TRMT44: variants seen among roughly 807,000 people sequenced by gnomAD.
The protein encoded by TRMT44 is probable tRNA (uracil-O(2)-)-methyltransferase.
In TRMT44, 78 loss-of-function variants were observed where a neutral mutation model predicts 77.3. The ratio of observed to expected loss-of-function variants is 1.01; its 90% CI spans 0.84 to 1.22. TRMT44 has a LOEUF of 1.22. Among genes scored for constraint, TRMT44 ranks in the 50% most tolerant of loss-of-function variants. The pLI is 0.00. For missense variants in TRMT44, 1,090 were observed against 964.4 expected, an observed-to-expected ratio of 1.13 and a Z score of -1.73; for synonymous variants, 391 against 383.3, an observed-to-expected ratio of 1.02 and a Z score of -0.23.
chr4:8,464,826 A>G (rs1392663527), intron 7 of TRMT44, among the ~76,000 whole-genome samples: 1 of 152,234 alleles, frequency 6.6e-6, no homozygotes, highest in Non-Finnish European at 1.5e-5. Flanking sequence ...ATTTCTAGAA[A>G]TTAACTTGGG....
At chr4:8,463,664 G>A (rs544085979) in intron 6 of TRMT44, among the ~76,000 whole-genome samples, 3 of 152,198 alleles carry the variant, frequency 2.0e-5, no homozygotes, top group African/African-American at 7.2e-5. Flanking sequence ...AAACCGTTCC[G>A]TGGCCGTCTC....
chr4:8,485,286 G>A (rs1727769343), intron 2 of TRMT44, among the ~76,000 whole-genome samples: 1 of 152,218 alleles, frequency 6.6e-6, no homozygotes, highest in Admixed American at 6.5e-5. Context: ...ATAGTGAGTT[G>A]TGGAGGGAGG....
the TRMT44 span, among the ~76,000 whole-genome samples, chr4:8,499,699 G>A: frequency 2.0e-5 from 3 of 152,140 alleles, no homozygotes; most frequent in Non-Finnish European, 2.9e-5. Context: ...CTATAAGTGG[G>A]AACTAAATAA....
At chr4:8,479,499 CTG>C (rs1351224621), downstream of TRMT44, 2 of 152,160 alleles carry the variant, frequency 1.3e-5, no homozygotes, top group East Asian at 1.9e-4. Context: ...AGCACATTAA[CTG>C]TGCTGAATGC....
At chr4:8,503,756 C>T in the TRMT44 span, among the ~76,000 whole-genome samples, 4 of 152,350 alleles carry the variant, frequency 2.6e-5, no homozygotes, top group African/African-American at 7.2e-5. Flanking sequence ...TGGGCCCTGG[C>T]TCCCAGTTCT....
intron 2 of TRMT44, among the ~76,000 whole-genome samples, chr4:8,489,230 A>C (rs1238499106): frequency 6.6e-6 from 1 of 152,220 alleles, no homozygotes; most frequent in African/African-American, 2.4e-5. Flanking sequence ...ATAGCCTGCA[A>C]CATGGCCACC....
intron 6 of TRMT44, among the ~76,000 whole-genome samples, chr4:8,458,598 G>A (rs1436342961): frequency 6.6e-6 from 1 of 151,396 alleles, no homozygotes; most frequent in East Asian, 2.0e-4. Flanking sequence ...GGGATTACAG[G>A]TGCCCACCAT....
the TRMT44 span, among the ~76,000 whole-genome samples, chr4:8,514,673 CAG>C: frequency 6.6e-6 from 1 of 152,138 alleles, no homozygotes. Flanking sequence ...CAGGGGACCT[CAG>C]AGTGAGGTCA....
chr4:8,467,669 C>T (rs1238433772), intron 8 of TRMT44, among the ~76,000 whole-genome samples: 7 of 152,194 alleles, frequency 4.6e-5, no homozygotes, highest in African/African-American at 1.2e-4. Flanking sequence ...GTAGTAGAGA[C>T]GGGATTTTGC....
chr4:8,490,194 A>C (rs1388505565), intron 2 of TRMT44, among the ~76,000 whole-genome samples: 1 of 152,042 alleles, frequency 6.6e-6, no homozygotes, highest in Non-Finnish European at 1.5e-5. Flanking sequence ...ACTGCCTTTG[A>C]AAAACCCCTA....
intron 3 of TRMT44, among the ~76,000 whole-genome samples, chr4:8,450,300 AG>A (rs2109100467): frequency 6.6e-6 from 1 of 152,276 alleles, no homozygotes; most frequent in East Asian, 1.9e-4. Context: ...TTCCTGTTGC[AG>A]GCTGTACTTT....
chr4:8,505,931 C>T, the TRMT44 span, among the ~76,000 whole-genome samples: 1 of 152,208 alleles, frequency 6.6e-6, no homozygotes, highest in South Asian at 2.1e-4. Context: ...CTTCCCCTTC[C>T]ACCATGATTG....
At chr4:8,488,537 C>G (rs929013067) in intron 2 of TRMT44, among the ~76,000 whole-genome samples, 13 of 152,198 alleles carry the variant, frequency 8.5e-5, no homozygotes, top group Admixed American at 2.6e-4. Context: ...AATGTCATCA[C>G]TTAAGGCAAG....
downstream of TRMT44, among the ~76,000 whole-genome samples, chr4:8,479,932 T>C (rs1197959022): frequency 6.6e-6 from 1 of 152,156 alleles, no homozygotes; most frequent in Non-Finnish European, 1.5e-5. Flanking sequence ...GGTTAGAGTG[T>C]AGTGGCGCCA....
At chr4:8,466,582 C>T (rs1726567717) in intron 8 of TRMT44, among the ~76,000 whole-genome samples, 1 of 152,240 alleles carries the variant, frequency 6.6e-6, no homozygotes, top group Admixed American at 6.5e-5. Context: ...CTGAACCGTC[C>T]CGTCATCCTC....
At chr4:8,474,006 T>C (rs1172497256) in intron 10 of TRMT44, among the ~76,000 whole-genome samples, 1 of 152,162 alleles carries the variant, frequency 6.6e-6, no homozygotes, top group Non-Finnish European at 1.5e-5. Context: ...TTCCAAAACA[T>C]GGTTGGGTGT....
At chr4:8,513,871 G>A in the TRMT44 span, among the ~76,000 whole-genome samples, 7 of 152,156 alleles carry the variant, frequency 4.6e-5, no homozygotes, top group Admixed American at 2.6e-4. Flanking sequence ...AAACCCTCCC[G>A]GCAGATACCT....
the TRMT44 span, among the ~76,000 whole-genome samples, chr4:8,500,289 C>T: frequency 5.5e-4 from 83 of 152,152 alleles, no homozygotes; most frequent in Non-Finnish European, 9.3e-4. Context: ...GTCAGGAGTT[C>T]GAGACCAGCC....
At chr4:8,510,415 G>A in the TRMT44 span, 5 of 152,826 alleles carry the variant, frequency 3.3e-5, no homozygotes, top group Admixed American at 6.5e-5. Flanking sequence ...GTGATCACAT[G>A]GCCCACCCGC....
Sources: gnomAD v4.1 joint callset for allele counts (sites outside exome capture counted in the v4.1 genomes callset) on GRCh38, gnomAD v4.1.1 for gene constraint, MANE v1.5 for transcripts, NCBI Gene and HGNC (gene_info 2026-07-23, HGNC 2026-07-21) for gene names.